ZDHHC24: variants seen among roughly 807,000 people sequenced by gnomAD.
ZDHHC24 encodes the protein probable palmitoyltransferase ZDHHC24.
ZDHHC24 carries 17 observed loss-of-function variants against 23.2 expected under a neutral mutation model. The ratio of observed to expected loss-of-function variants is 0.73; its 90% CI spans 0.50 to 1.10. ZDHHC24 has a LOEUF of 1.10. Among genes scored for constraint, ZDHHC24 ranks in the 50% least tolerant of loss-of-function variants. The pLI is 0.00. For synonymous variants in ZDHHC24, 186 were observed against 194.5 expected, an observed-to-expected ratio of 0.96 and a Z score of 0.36; for missense variants, 366 against 393.0, an observed-to-expected ratio of 0.93 and a Z score of 0.58.
chr11:66,539,535 G>GGCTGTGTGT lies in ZDHHC24; in HGVS notation c.840_848dup (p.His281_Ala283dup). The GGCTGTGTGT allele has an allele frequency of 4.5e-6, 7 of 1,562,796 alleles. No individual in the cohort carries two copies. Among genetic ancestry groups the GGCTGTGTGT allele is most frequent in the Non-Finnish European group, 5.2e-6 (6 of 1,153,956 alleles). ...GCTCTGGCTCTTCCTGGAGTCAGGA[G>GGCTGTGTGT]GCTGTGTGTCCCACATCTGCTGTGG... On this transcript the variant is annotated inframe_insertion, in exon 3 of 3. Transcript: ENST00000310442.
At position 66,545,509 on chromosome 11, in the gene ZDHHC24, T is replaced by C. The variant is rs1857287790; in HGVS notation, c.281+214A>G. Among the ~76,000 whole-genome samples the C allele has an allele frequency of 6.6e-6, 1 of 152,218 alleles. No homozygotes were observed. Among genetic ancestry groups the C allele is most frequent in the African/African-American group, 2.4e-5 (1 of 41,450 alleles). On this transcript the variant is annotated intron_variant, in intron 1 of 2. Transcript: ENST00000310442. The surrounding 1 kb of genome is among the most constrained non-coding windows in gnomAD (Gnocchi z 4.5). ...TGTTCTATTGTACCCTTCGTCCCTG[T>C]AACAAAACCTTGCACCTAGTAGGCT...
intron 2 of ZDHHC24, among the ~76,000 whole-genome samples, chr11:66,541,649 TCAGATAAAAGA>T (rs1459983069): frequency 6.6e-6 from 1 of 151,554 alleles, no homozygotes; most frequent in Non-Finnish European, 1.5e-5. Flanking sequence ...TTCTTGGGGA[TCAGATAAAAGA>T]TGAGAAAGGG....
chr11:66,534,029 C>T (rs567715384), downstream of ZDHHC24, among the ~76,000 whole-genome samples: 3 of 151,900 alleles, frequency 2.0e-5, no homozygotes, highest in African/African-American at 4.8e-5. Context: ...ATTAGCCAGG[C>T]GTGGTGGCAG....
chr11:66,535,578 T>C (rs1031887838), downstream of ZDHHC24, among the ~76,000 whole-genome samples: 2 of 152,078 alleles, frequency 1.3e-5, no homozygotes, highest in Non-Finnish European at 2.9e-5. Context: ...TATAATAGCA[T>C]ACGATATCAG....
intron 2 of ZDHHC24, among the ~76,000 whole-genome samples, chr11:66,540,582 A>G (rs568276799): frequency 3.4e-4 from 50 of 148,684 alleles, no homozygotes; most frequent in African/African-American, 1.1e-3. Flanking sequence ...ACAAAAATTA[A>G]CCGGGTGTGG....
At position 66,543,706 on chromosome 11, in the gene ZDHHC24, G is replaced by A. The variant is rs1278620299; in HGVS notation, c.557C>T (p.Thr186Ile). Residue 186 changes from threonine (T) to isoleucine (I), a missense_variant and splice_region_variant, in exon 2 of 3, where the codon ACA (threonine) becomes ATA (isoleucine). Physicochemically the swap from Thr to Ile is moderately conservative, Grantham distance 89. Coordinates refer to ENST00000310442, the MANE Select transcript of ZDHHC24 (RefSeq NM_207340.3). ...CAGAGGCCTCCCAGGCTCCCCACCT[G>A]TGAGCAACATGAGCCAGGGAAGCAG... is the stretch of plus-strand genomic sequence containing the variant. ...LLLLPWLMLL[T>I]GRVSLAQFAL... 2 of 1,580,660 alleles carry A rather than the reference G, an allele frequency of 1.3e-6. No homozygotes were observed. Among genetic ancestry groups the A allele is most frequent in the East Asian group, 4.6e-5 (2 of 43,120 alleles).
At chr11:66,543,577 T>C in intron 2 of ZDHHC24, 127 bp downstream of exon 2, 4 of 1,239,188 alleles carry the variant, frequency 3.2e-6, no homozygotes, top group Non-Finnish European at 4.4e-6. Context: ...CTGCCCTTAC[T>C]GGCCATCACT....
At chr11:66,532,627 CT>C, downstream of ZDHHC24, 1 of 155,106 alleles carries the variant, frequency 6.4e-6, no homozygotes, top group Non-Finnish European at 1.4e-5. Context: ...TCTCTGAAAT[CT>C]TAGACTTAGC....
rs145161175 is a variant in ZDHHC24, at chr11:66,543,806, C to A, written c.457G>T (p.Val153Phe). The change falls in exon 2 of 3, where the codon GTC (valine) becomes TTC (phenylalanine). Residue 153 changes from valine to phenylalanine, a missense_variant. Physicochemically the swap from Val to Phe is conservative, Grantham distance 50 (BLOSUM62 -1). Transcript: ENST00000310442. Reference sequence around the variant, plus strand: ...AGTGCAGGGCCCAGCAGCACAGAGACGTGGAGCAGGACGCCGGCGGCATGA... The same window carrying A: ...AGTGCAGGGCCCAGCAGCACAGAGAAGTGGAGCAGGACGCCGGCGGCATGA... ...LLHAAGVLLH[V>F]SVLLGPALSA... is the part of the protein sequence containing the mutation. 2.3e-5 allele frequency: 37 copies of A among 1,613,204 alleles called. No homozygotes were observed. The highest frequency in any genetic ancestry group is 2.9e-5 in the Non-Finnish European group (34 of 1,179,618).
At chr11:66,534,676 ATTTAT>A (rs199871170), downstream of ZDHHC24, among the ~76,000 whole-genome samples, 12,626 of 151,646 alleles carry the variant, frequency 0.083, 737 homozygotes, top group Middle Eastern at 0.17. Context: ...GATTTTTTTC[ATTTAT>A]TTTATTTTAT....
chr11:66,529,776 A>C (rs1590779250), intron 2 of ZDHHC24: 1 of 1,603,960 alleles, frequency 6.2e-7, no homozygotes, highest in African/African-American at 1.4e-5. Flanking sequence ...CCTCCCTGCC[A>C]CCCCCCACCT....
Position 66,543,877 on chromosome 11 carries a change from C to A in ZDHHC24, c.386G>T (p.Arg129Leu), listed in dbSNP as rs762467233. The part of the protein sequence containing the change: ...RRDHHCRLLG[R>L]CVGFGNYRPF... Reference sequence around the variant, plus strand: ...CCGGTAGTTGCCGAAGCCCACGCAGCGGCCCAGCAGGCGGCAGTGGTGGTC... The same window carrying A: ...CCGGTAGTTGCCGAAGCCCACGCAGAGGCCCAGCAGGCGGCAGTGGTGGTC... Residue 129 changes from arginine (R) to leucine (L), a missense_variant, in exon 2 of 3, where the codon CGC becomes CTC. By Grantham distance (102) the Arg-to-Leu change is moderately radical. Coordinates refer to ENST00000310442, the MANE Select transcript of ZDHHC24 (RefSeq NM_207340.3). The A allele has an allele frequency of 1.9e-6, 3 of 1,613,900 alleles. No homozygotes were observed. Among genetic ancestry groups the A allele is most frequent in the Non-Finnish European group, 2.5e-6 (3 of 1,179,894 alleles).
At chr11:66,544,348 G>A (rs529508982) in intron 1 of ZDHHC24, among the ~76,000 whole-genome samples, 4 of 152,112 alleles carry the variant, frequency 2.6e-5, no homozygotes, top group South Asian at 2.1e-4. Flanking sequence ...GCCCCACCTC[G>A]TACGGTCTCA....
chr11:66,535,335 C>G (rs142636369), downstream of ZDHHC24, among the ~76,000 whole-genome samples: 49 of 151,928 alleles, frequency 3.2e-4, 1 homozygote, highest in East Asian at 8.9e-3. Context: ...TCAGCCCACC[C>G]CCATCCCCCA....
At chr11:66,525,655 A>G (rs757066161) in intron 4 of ZDHHC24, among the ~76,000 whole-genome samples, 2 of 152,238 alleles carry the variant, frequency 1.3e-5, no homozygotes. Context: ...GGCTTGGGCC[A>G]TAGGTGCTGG....
At chr11:66,521,904 CAAAAAAAAAAAAAA>C in intron 4 of ZDHHC24, among the ~76,000 whole-genome samples, 1 of 36,494 alleles carries the variant, frequency 2.7e-5, no homozygotes. Flanking sequence ...GACTCCGTCT[CAAAAAAAAAAAAAA>C]AAAAAAAAAG....
intron 2 of ZDHHC24, among the ~76,000 whole-genome samples, chr11:66,540,597 G>A (rs1031166780): frequency 1.3e-5 from 2 of 150,506 alleles, no homozygotes; most frequent in Non-Finnish European, 3.0e-5. Flanking sequence ...GTGTGGTTGC[G>A]CACGCCCGTA....
rs78466549 is a variant in ZDHHC24, at chr11:66,524,383, A to T, written c.*21+2553T>A. The T allele has an allele frequency of 1.7e-3, 412 of 238,994 alleles. 1 individual carries two copies. Among genetic ancestry groups the T allele is most frequent in the African/African-American group, 9.0e-3 (395 of 43,730 alleles). 14.8% of individuals were successfully genotyped at this position (238,994 alleles called of 1,614,324 possible). ...AAGTCCTTGTTTTCAGGAGGCTTAC[A>T]GTCTAAGGTAACAGCCAGCCAGAGA... On this transcript the variant is annotated intron_variant, in intron 4 of 4. Transcript: ENST00000526986.
chr11:66,527,026 C>T, intron 3 of ZDHHC24: 1 of 1,536,194 alleles, frequency 6.5e-7, no homozygotes, highest in South Asian at 1.2e-5. Flanking sequence ...ACAGCAAGAG[C>T]CCTTAGAATT....
Sources: gnomAD v4.1 joint callset for allele counts (sites outside exome capture counted in the v4.1 genomes callset) on GRCh38, gnomAD v4.1.1 for gene constraint, Gnocchi (gnomAD v3.1) non-coding constraint, MANE v1.5 for transcripts, NCBI Gene and HGNC (gene_info 2026-07-23, HGNC 2026-07-21) for gene names.